The following UNC13C variants were observed in gnomAD, a reference collection of about 807,000 sequenced individuals.
The protein encoded by UNC13C is protein unc-13 homolog C.
UNC13C carries 174 observed loss-of-function variants against 245.4 expected under a neutral mutation model. The observed-to-expected ratio is 0.71, with a 90% CI of 0.63 to 0.80. UNC13C has a LOEUF of 0.80. Ranked by LOEUF, UNC13C falls within the 30% of genes least tolerant of loss-of-function variation. UNC13C has a pLI of 0.00. For synonymous variants in UNC13C, 992 were observed against 895.1 expected, an observed-to-expected ratio of 1.11 and a Z score of -1.93; for missense variants, 2,829 against 2,602.9, an observed-to-expected ratio of 1.09 and a Z score of -1.89.
chr15:54,474,126 G>T (rs1260053275), intron 19 of UNC13C, among the ~76,000 whole-genome samples: 1 of 151,998 alleles, frequency 6.6e-6, no homozygotes, highest in Non-Finnish European at 1.5e-5. Flanking sequence ...AAACACGGGG[G>T]TGCAGGTATT....
chr15:54,524,336 A>C (rs1462237419), intron 24 of UNC13C, among the ~76,000 whole-genome samples: 3 of 152,208 alleles, frequency 2.0e-5, no homozygotes, highest in Non-Finnish European at 4.4e-5. Flanking sequence ...ACAGAAGAAA[A>C]AAGATACAAG....
chr15:54,529,210 C>A (rs1385732282), intron 25 of UNC13C, among the ~76,000 whole-genome samples: 1 of 152,092 alleles, frequency 6.6e-6, no homozygotes, highest in African/African-American at 2.4e-5. Context: ...GGAGACAGAT[C>A]AAACCTGATG....
At chr15:54,575,156 C>A (rs1331960144) in intron 30 of UNC13C, among the ~76,000 whole-genome samples, 4 of 152,256 alleles carry the variant, frequency 2.6e-5, no homozygotes, top group African/African-American at 9.6e-5. Context: ...CTGCCTGAGC[C>A]TCCTGAATAG....
chr15:54,110,088 G>A (rs1251866411), intron 2 of UNC13C, among the ~76,000 whole-genome samples: 1 of 151,960 alleles, frequency 6.6e-6, no homozygotes, highest in African/African-American at 2.4e-5. Context: ...GAACAGCCTG[G>A]CCGATATAGT....
At chr15:54,131,953 C>T (rs1350273506) in intron 2 of UNC13C, among the ~76,000 whole-genome samples, 3 of 152,244 alleles carry the variant, frequency 2.0e-5, no homozygotes, top group South Asian at 2.1e-4. Flanking sequence ...TTCCCAAACC[C>T]AATGTTCTCC....
chr15:54,081,725 T>C (rs1413712482), intron 2 of UNC13C, among the ~76,000 whole-genome samples: 7 of 152,016 alleles, frequency 4.6e-5, no homozygotes, highest in Admixed American at 2.6e-4. Context: ...GCAGGTTGAG[T>C]ATTGTTTTTT....
chr15:53,949,189 G>A, the UNC13C span, among the ~76,000 whole-genome samples: 34,214 of 152,120 alleles, frequency 0.22, 4,867 homozygotes, highest in Non-Finnish European at 0.31. Context: ...TTCACTCTTC[G>A]TGCAGTTTGG....
At chr15:54,613,553 G>A (rs532006650) in intron 30 of UNC13C, among the ~76,000 whole-genome samples, 1 of 151,992 alleles carries the variant, frequency 6.6e-6, no homozygotes, top group African/African-American at 2.4e-5. Context: ...AAATATTTAT[G>A]GATCCATAAA....
intron 17 of UNC13C, among the ~76,000 whole-genome samples, chr15:54,386,637 T>C (rs2039843114): frequency 6.6e-6 from 1 of 152,228 alleles, no homozygotes; most frequent in Non-Finnish European, 1.5e-5. Flanking sequence ...TGATTTGGCC[T>C]CCTGCACTTG....
At chr15:54,187,140 G>A (rs1415761836) in intron 4 of UNC13C, among the ~76,000 whole-genome samples, 3 of 151,954 alleles carry the variant, frequency 2.0e-5, no homozygotes, top group East Asian at 1.9e-4. Context: ...GAGCTCACAC[G>A]TATGCATTTC....
chr15:54,562,461 C>A (rs920750733), intron 29 of UNC13C, among the ~76,000 whole-genome samples: 1 of 151,970 alleles, frequency 6.6e-6, no homozygotes. Flanking sequence ...TGAGCATCTC[C>A]CACTCTTGCC....
intron 2 of UNC13C, among the ~76,000 whole-genome samples, chr15:54,122,516 G>A (rs938004905): frequency 9.2e-5 from 14 of 151,872 alleles, no homozygotes; most frequent in African/African-American, 3.4e-4. Context: ...CGCATCCATT[G>A]TATGTGTGCA....
intron 19 of UNC13C, among the ~76,000 whole-genome samples, chr15:54,464,115 C>G (rs934848923): frequency 1.3e-5 from 2 of 152,122 alleles, no homozygotes; most frequent in Non-Finnish European, 2.9e-5. Flanking sequence ...TTAAAAGTGC[C>G]TAGTTCTCCA....
At chr15:54,540,618 C>T (rs956810491) in intron 26 of UNC13C, among the ~76,000 whole-genome samples, 5 of 151,964 alleles carry the variant, frequency 3.3e-5, no homozygotes, top group Non-Finnish European at 7.4e-5. Context: ...TGTTATATTG[C>T]GAATGTATAA....
chr15:54,344,936 C>T (rs941774547), intron 17 of UNC13C, among the ~76,000 whole-genome samples: 1 of 139,860 alleles, frequency 7.2e-6, no homozygotes, highest in African/African-American at 2.7e-5. Context: ...TGTCTGTTCT[C>T]AACAGAGCAG....
intron 29 of UNC13C, among the ~76,000 whole-genome samples, chr15:54,562,187 A>G (rs895990662): frequency 6.6e-6 from 1 of 151,982 alleles, no homozygotes; most frequent in Non-Finnish European, 1.5e-5. Flanking sequence ...AATTAAATAT[A>G]TTTCTTACAA....
chr15:54,422,850 T>G (rs968765238), intron 19 of UNC13C, among the ~76,000 whole-genome samples: 36 of 151,964 alleles, frequency 2.4e-4, no homozygotes, highest in African/African-American at 8.5e-4. Context: ...ATTTGTTCAC[T>G]TCTTTACTAC....
chr15:54,181,908 C>T (rs981757656), intron 4 of UNC13C, among the ~76,000 whole-genome samples: 2 of 151,946 alleles, frequency 1.3e-5, no homozygotes, highest in African/African-American at 4.8e-5. Context: ...GTACTAAAGT[C>T]ACTTGTTAGT....
chr15:54,321,384 C>A (rs1244850698), intron 13 of UNC13C: 3 of 491,280 alleles, frequency 6.1e-6, no homozygotes, highest in African/African-American at 5.9e-5. Context: ...TAAGTGGGTA[C>A]CTGGTCTTTG....
Sources: allele counts gnomAD v4.1 joint callset (sites outside exome capture counted in the v4.1 genomes callset), GRCh38; gene constraint gnomAD v4.1.1; transcripts MANE v1.5; gene names NCBI Gene and HGNC (gene_info 2026-07-23, HGNC 2026-07-21).